SHANK2: variants seen among roughly 807,000 people sequenced by gnomAD.
SHANK2 encodes the protein SH3 and multiple ankyrin repeat domains 2, also known as SH3 and multiple ankyrin repeat domains protein 2.
A neutral mutation model predicts 133.7 loss-of-function variants in SHANK2; 43 were observed. The ratio of observed to expected loss-of-function variants is 0.32; its 90% CI spans 0.25 to 0.41. The LOEUF (loss-of-function observed/expected upper bound fraction) is 0.41. Ranked by LOEUF, SHANK2 falls within the 10% of genes least tolerant of loss-of-function variation. The probability of loss-of-function intolerance (pLI) is 1.00; values close to 1 mark genes in which losing one functional copy is unlikely to be tolerated. For synonymous variants in SHANK2, 1,017 were observed against 952.8 expected (o/e 1.07, Z -1.24); for missense variants, 1,994 against 2,235.8 (o/e 0.89, Z 2.18).
intron 2 of SHANK2, among the ~76,000 whole-genome samples, chr11:71,161,193 C>A (rs1277964850): frequency 6.6e-6 from 1 of 152,164 alleles, no homozygotes; most frequent in Non-Finnish European, 1.5e-5. Context: ...AACAAGAGAT[C>A]TCAAGATGGA....
intron 16 of SHANK2, among the ~76,000 whole-genome samples, chr11:70,660,190 G>A (rs888369825): frequency 3.3e-5 from 5 of 152,148 alleles, no homozygotes; most frequent in Non-Finnish European, 7.3e-5. Context: ...TGGCCTCTCT[G>A]CTGAAACCAC....
chr11:70,490,592 T>C (rs2058873060), intron 22 of SHANK2, among the ~76,000 whole-genome samples: 1 of 152,260 alleles, frequency 6.6e-6, no homozygotes, highest in Admixed American at 6.5e-5. Context: ...TCCTATTCGC[T>C]GCAGCTGCTA....
At chr11:70,593,837 GTTCATTCATTCA>G (rs368551880) in intron 17 of SHANK2, among the ~76,000 whole-genome samples, 1 of 152,040 alleles carries the variant, frequency 6.6e-6, no homozygotes, top group Admixed American at 6.6e-5. Context: ...TCGTTCGTTC[GTTCATTCATTCA>G]TTCATTCATT....
intron 3 of SHANK2, among the ~76,000 whole-genome samples, chr11:71,141,627 A>AT (rs1952556085): frequency 6.6e-6 from 1 of 152,140 alleles, no homozygotes; most frequent in African/African-American, 2.4e-5. Context: ...TTTATTACAA[A>AT]TTACTCAGTC....
intron 2 of SHANK2, among the ~76,000 whole-genome samples, chr11:71,194,524 A>G (rs967188298): frequency 1.3e-5 from 2 of 152,208 alleles, no homozygotes; most frequent in South Asian, 2.1e-4. Flanking sequence ...CTGGATCCAA[A>G]GAGCAGGTGC....
At chr11:70,605,139 C>CT (rs1464705780) in intron 17 of SHANK2, among the ~76,000 whole-genome samples, 1 of 152,218 alleles carries the variant, frequency 6.6e-6, no homozygotes, top group Non-Finnish European at 1.5e-5. Context: ...TGGGATGGCG[C>CT]TTTTTAACAG....
At chr11:70,865,732 C>T (rs1792757021) in intron 11 of SHANK2, among the ~76,000 whole-genome samples, 1 of 152,212 alleles carries the variant, frequency 6.6e-6, no homozygotes, top group African/African-American at 2.4e-5. Flanking sequence ...GTGTGTTCTT[C>T]TTCCAGCATT....
At chr11:70,760,525 T>A (rs1490448197) in intron 14 of SHANK2, among the ~76,000 whole-genome samples, 1 of 152,250 alleles carries the variant, frequency 6.6e-6, no homozygotes, top group African/African-American at 2.4e-5. Context: ...GCAAAGATGC[T>A]TTTATTTTCC....
At chr11:70,530,528 C>A (rs2059454311) in intron 17 of SHANK2, among the ~76,000 whole-genome samples, 1 of 151,990 alleles carries the variant, frequency 6.6e-6, no homozygotes, top group Admixed American at 6.6e-5. Flanking sequence ...AGAGCAAGAC[C>A]CTGTCTCAAA....
chr11:70,589,039 G>A (rs1341640994), intron 17 of SHANK2, among the ~76,000 whole-genome samples: 1 of 152,130 alleles, frequency 6.6e-6, no homozygotes, highest in Non-Finnish European at 1.5e-5. Flanking sequence ...GGATGGTCTC[G>A]ATCTCCTGAC....
At chr11:70,657,093 T>C (rs540960765) in intron 17 of SHANK2, among the ~76,000 whole-genome samples, 2 of 152,334 alleles carry the variant, frequency 1.3e-5, no homozygotes, top group East Asian at 3.9e-4. Context: ...AACCGCAGCA[T>C]GCATTTTTAA....
intron 2 of SHANK2, among the ~76,000 whole-genome samples, chr11:71,194,036 C>A (rs782666682): frequency 6.6e-6 from 1 of 152,134 alleles, no homozygotes; most frequent in Non-Finnish European, 1.5e-5. Context: ...GTGCTGCTGG[C>A]GGGAAGGGCT....
chr11:71,147,699 C>T (rs782266659), intron 2 of SHANK2, among the ~76,000 whole-genome samples: 10 of 152,216 alleles, frequency 6.6e-5, no homozygotes, highest in Non-Finnish European at 1.3e-4. Flanking sequence ...CTGGGGCTGT[C>T]TGAGCTACCC....
intron 14 of SHANK2, among the ~76,000 whole-genome samples, chr11:70,735,626 C>G (rs1372227479): frequency 6.6e-6 from 1 of 151,436 alleles, no homozygotes; most frequent in Non-Finnish European, 1.5e-5. Flanking sequence ...ATTGCTTGAA[C>G]CTAGGAGGTG....
rs76740063 is a variant in SHANK2, at chr11:71,166,179, G to A, written c.-12-18841C>T. ...CAGGCCAAGCACCAAAGCAGGTGCC[G>A]TCCAGGTACTGGGTCACCTCGCTTC... On this transcript the variant is annotated intron_variant, in intron 2 of 25. Transcript: ENST00000601538. 3.9e-4 allele frequency among the ~76,000 whole-genome samples: 59 copies of A among 152,272 alleles called. No homozygotes were observed. The East Asian group carries it at 9.7e-3, about 25-fold the overall frequency.
intron 17 of SHANK2, among the ~76,000 whole-genome samples, chr11:70,648,882 G>C (rs56325557): frequency 6.6e-6 from 1 of 152,270 alleles, no homozygotes; most frequent in Non-Finnish European, 1.5e-5. Context: ...GCTCGGCTCT[G>C]GGTGGTCCCT....
chr11:70,677,526 T>C (rs1464402837), intron 15 of SHANK2, among the ~76,000 whole-genome samples: 1 of 152,168 alleles, frequency 6.6e-6, no homozygotes, highest in Non-Finnish European at 1.5e-5. Context: ...GGCCACAGCA[T>C]GGGGGCTGAA....
At chr11:70,481,096 T>G (rs550536504) in intron 25 of SHANK2, among the ~76,000 whole-genome samples, 24 of 152,340 alleles carry the variant, frequency 1.6e-4, no homozygotes, top group African/African-American at 5.8e-4. Flanking sequence ...GACTACCTCC[T>G]GGAATAATCA....
chr11:70,522,081 A>G (rs1591532412), intron 17 of SHANK2, among the ~76,000 whole-genome samples: 1 of 152,038 alleles, frequency 6.6e-6, no homozygotes, highest in South Asian at 2.1e-4. Flanking sequence ...GGCTACCTCC[A>G]CCTCCTAGGC....
Sources: allele counts gnomAD v4.1 joint callset (sites outside exome capture counted in the v4.1 genomes callset), GRCh38; gene constraint gnomAD v4.1.1; transcripts MANE v1.5; gene names NCBI Gene and HGNC (gene_info 2026-07-23, HGNC 2026-07-21).